MFHAS1: variants seen among roughly 807,000 people sequenced by gnomAD.
The protein encoded by MFHAS1 is multifunctional ROCO family signaling regulator 1.
MFHAS1 carries 50 observed loss-of-function variants against 70.4 expected under a neutral mutation model. The ratio of observed to expected loss-of-function variants is 0.71; its 90% confidence interval spans 0.57 to 0.90. The LOEUF (loss-of-function observed/expected upper bound fraction) is 0.90. MFHAS1 is among the 40% of genes least tolerant of loss of function. MFHAS1 has a pLI of 0.00. For missense variants in MFHAS1, 1,795 were observed against 1,347.6 expected, an observed-to-expected ratio of 1.33 and a Z score of -5.20; for synonymous variants, 952 against 620.0, an observed-to-expected ratio of 1.54 and a Z score of -7.96.
intron 1 of MFHAS1, among the ~76,000 whole-genome samples, chr8:8,818,985 A>G (rs1215594411): frequency 6.6e-6 from 1 of 152,220 alleles, no homozygotes; most frequent in East Asian, 1.9e-4. Context: ...ACATGTGTCA[A>G]AGAATACAAT....
intron 1 of MFHAS1, among the ~76,000 whole-genome samples, chr8:8,857,486 C>A (rs539752377): frequency 1.3e-5 from 2 of 152,206 alleles, no homozygotes; most frequent in South Asian, 4.1e-4. Flanking sequence ...AGGCCCGGCG[C>A]GGTGTCTAAC....
At chr8:8,811,420 C>A (rs879493489) in intron 1 of MFHAS1, among the ~76,000 whole-genome samples, 1 of 152,026 alleles carries the variant, frequency 6.6e-6, no homozygotes, top group Non-Finnish European at 1.5e-5. Flanking sequence ...GGACCACAGG[C>A]ACACACCATC....
intron 1 of MFHAS1, among the ~76,000 whole-genome samples, chr8:8,869,315 G>A (rs1432193939): frequency 6.6e-6 from 1 of 152,138 alleles, no homozygotes; most frequent in Non-Finnish European, 1.5e-5. Flanking sequence ...CACTACCACT[G>A]AAAATAAGCT....
Position 8,799,832 on chromosome 8 carries a change from C to G in MFHAS1, c.2999-2341G>C, listed in dbSNP as rs190992658. ...CAAAGGCCACACTGATAGCGCAGGC[C>G]CATATCAGCACTGGGCCTGCAGTTT... On this transcript the variant is annotated intron_variant, in intron 1 of 2. Transcript: ENST00000276282. Among the ~76,000 whole-genome samples, 501 of 152,288 alleles carry G rather than the reference C, an allele frequency of 3.3e-3. 4 individuals carry two copies. The highest frequency in any genetic ancestry group is 0.011 in the African/African-American group (471 of 41,554).
At chr8:8,847,041 C>A (rs1808062230) in intron 1 of MFHAS1, among the ~76,000 whole-genome samples, 1 of 152,158 alleles carries the variant, frequency 6.6e-6, no homozygotes, top group Admixed American at 6.5e-5. Flanking sequence ...CATCCCTCCT[C>A]CAAACACACT....
intron 1 of MFHAS1, among the ~76,000 whole-genome samples, chr8:8,863,301 G>T (rs754374633): frequency 5.3e-5 from 8 of 152,174 alleles, no homozygotes; most frequent in Non-Finnish European, 1.0e-4. Context: ...TTTAATAACT[G>T]TGGGACAATT....
intron 2 of MFHAS1, among the ~76,000 whole-genome samples, chr8:8,791,352 G>T (rs939578663): frequency 9.9e-5 from 15 of 152,040 alleles, no homozygotes; most frequent in Admixed American, 5.9e-4. Context: ...TTAGAATGTG[G>T]GTCGCATTCC....
At chr8:8,876,340 A>C (rs565684388) in intron 1 of MFHAS1, among the ~76,000 whole-genome samples, 2 of 152,308 alleles carry the variant, frequency 1.3e-5, no homozygotes, top group South Asian at 4.1e-4. Flanking sequence ...AGACTTAAAA[A>C]TACCTTGTAC....
intron 1 of MFHAS1, among the ~76,000 whole-genome samples, chr8:8,837,536 G>T (rs1309133229): frequency 6.6e-6 from 1 of 151,930 alleles, no homozygotes; most frequent in Non-Finnish European, 1.5e-5. Context: ...CAAGCTACTC[G>T]AGAGGCTGAG....
rs1021523832 is a variant in MFHAS1, at chr8:8,892,541, A to C, written c.518T>G (p.Leu173Arg). The C allele has an allele frequency of 2.5e-6, 4 of 1,596,908 alleles. No individual in the cohort carries two copies. The change falls in exon 1 of 3, where the codon CTG becomes CGG. Residue 173 changes from leucine (L) to arginine (R), a missense_variant. Coordinates refer to ENST00000276282, the MANE Select transcript of MFHAS1 (RefSeq NM_004225.3). This position sits in a 1 kb window ranked among gnomAD's most constrained non-coding sequence, Gnocchi z 4.7. ...GGAGAGGCAGGAGAGGGAGTCAGGC[A>C]GGTGCGCCAGCCGGTTAAAGCTGAC... is the stretch of plus-strand genomic sequence containing the variant. ...LDVSFNRLAH[L>R]PDSLSCLSRL...
Position 8,890,998 on chromosome 8 carries a change from C to A in MFHAS1, c.2061G>T (p.Ala687=). The A allele has an allele frequency of 6.2e-7, 1 of 1,613,896 alleles. No homozygotes were observed. The change falls in exon 1 of 3, where the codon GCG becomes GCT. Residue 687 remains alanine (A), a synonymous_variant. Transcript: ENST00000276282. ...QRLWLSWWDS[A]RLGLQAGLTE... is the part of the protein sequence containing the mutation. ...TCAGACCCGCCTGCAGGCCCAAGCG[C>A]GCCGAGTCCCACCAGCTTAGCCACA...
intron 1 of MFHAS1, among the ~76,000 whole-genome samples, chr8:8,832,596 G>A (rs983710618): frequency 6.7e-6 from 1 of 148,672 alleles, no homozygotes; most frequent in Non-Finnish European, 1.5e-5. Context: ...ACCAAGTACT[G>A]ATGAACATGT....
intron 1 of MFHAS1, among the ~76,000 whole-genome samples, chr8:8,799,065 AAAAAG>A (rs1805999352): frequency 6.6e-6 from 1 of 152,018 alleles, no homozygotes; most frequent in Admixed American, 6.5e-5. Flanking sequence ...ACAAAAAAAA[AAAAAG>A]AAAAGAAATT....
chr8:8,880,962 G>C (rs918997862), intron 1 of MFHAS1, among the ~76,000 whole-genome samples: 1 of 152,120 alleles, frequency 6.6e-6, no homozygotes, highest in African/African-American at 2.4e-5. Context: ...GTGATTACAG[G>C]TGTGAGCCAT....
chr8:8,872,875 T>C (rs982598120), intron 1 of MFHAS1, among the ~76,000 whole-genome samples: 3 of 152,150 alleles, frequency 2.0e-5, no homozygotes. Context: ...TGCATATATT[T>C]CAGAGGCTTA....
chr8:8,842,222 G>A (rs1191262811), intron 1 of MFHAS1, among the ~76,000 whole-genome samples: 1 of 151,520 alleles, frequency 6.6e-6, no homozygotes, highest in African/African-American at 2.4e-5. Flanking sequence ...ATTTCGCTCT[G>A]TTGCCCAGGC....
At chr8:8,868,574 T>C (rs537635322) in intron 1 of MFHAS1, among the ~76,000 whole-genome samples, 9 of 152,090 alleles carry the variant, frequency 5.9e-5, no homozygotes, top group African/African-American at 2.2e-4. Flanking sequence ...ACTACTCGGA[T>C]CTTTGCCTTG....
chr8:8,796,289 G>T (rs1190945805), intron 2 of MFHAS1, among the ~76,000 whole-genome samples: 1 of 152,162 alleles, frequency 6.6e-6, no homozygotes, highest in Non-Finnish European at 1.5e-5. Context: ...TCAGAACCAT[G>T]CAACAGAAAA....
At chr8:8,883,135 A>C (rs1809594677) in intron 1 of MFHAS1, among the ~76,000 whole-genome samples, 1 of 152,126 alleles carries the variant, frequency 6.6e-6, no homozygotes, top group African/African-American at 2.4e-5. Context: ...CCTGGGCGCC[A>C]GAGCAAGACT....
Sources: allele counts gnomAD v4.1 joint callset (sites outside exome capture counted in the v4.1 genomes callset), GRCh38; gene constraint gnomAD v4.1.1; non-coding constraint Gnocchi (gnomAD v3.1); transcripts MANE v1.5; gene names NCBI Gene and HGNC (gene_info 2026-07-23, HGNC 2026-07-21).